The following ZNF606 variants were observed in gnomAD, a reference collection of about 807,000 sequenced individuals.
The protein encoded by ZNF606 is zinc finger protein 328.
In ZNF606, 37 loss-of-function variants were observed where a neutral mutation model predicts 74.9. The ratio of observed to expected loss-of-function variants is 0.49; its 90% CI spans 0.38 to 0.65. The LOEUF is 0.65. Ranked by LOEUF, ZNF606 falls within the 30% of genes least tolerant of loss-of-function variation. The pLI is 0.00. For synonymous variants in ZNF606, 328 were observed against 312.4 expected, an observed-to-expected ratio of 1.05 and a Z score of -0.53; for missense variants, 852 against 952.9, an observed-to-expected ratio of 0.89 and a Z score of 1.39.
intron 1 of ZNF606, chr19:58,002,167 T>A: frequency 2.2e-6 from 1 of 456,798 alleles, no homozygotes; most frequent in Non-Finnish European, 4.4e-6. Context: ...CCGCCGTCAC[T>A]GCATGTTTAA....
At position 57,993,333 on chromosome 19, in the gene ZNF606, T is replaced by G. The variant is rs544775299; in HGVS notation, c.178-4612A>C. On this transcript the variant is annotated intron_variant, in intron 4 of 6. Transcript: ENST00000551380. ...CTTTGGGGTTCAAAAATCTCCTAAA[T>G]AAACAGTTGGCTTTTTTTTTAAAGA... Among the ~76,000 whole-genome samples, 9 of 151,626 alleles carry G rather than the reference T, an allele frequency of 5.9e-5. No homozygotes were observed. In the East Asian group the frequency reaches 1.9e-3, roughly 32 times the overall value.
chr19:57,978,464 T>C lies in ZNF606; in HGVS notation c.2216A>G (p.Asn739Ser). The change falls in exon 7 of 7, where the codon AAT becomes AGT. Residue 739 changes from asparagine (N) to serine (S), a missense_variant. Around this residue, in one of 3 missense-constraint regions of ZNF606, gnomAD observed 243 missense variants for 359.2 expected, o/e 0.68. Transcript: ENST00000551380. The surrounding 1 kb of genome is among the most constrained non-coding windows in gnomAD (Gnocchi z 4.4). ...CTTACAAAATGCTTTTTCACAATGA[T>C]TACATTTGTAGGGCTTTTCTCCAGT... ...NHTGEKPYKC[N>S]HCEKAFCKNS... 6.2e-7 allele frequency: 1 copy of C among 1,614,002 alleles called. No individual in the cohort carries two copies.
At position 57,978,979 on chromosome 19, in the gene ZNF606, T is replaced by C. The variant is rs200197635; in HGVS notation, c.1701A>G (p.Pro567=). 60 of 1,612,884 alleles carry C rather than the reference T, an allele frequency of 3.7e-5. No individual in the cohort carries two copies. The highest frequency in any genetic ancestry group is 5.0e-5 in the Admixed American group (3 of 59,892). Residue 567 remains proline (P), a synonymous_variant, in exon 7 of 7, where the codon CCA becomes CCG. Transcript: ENST00000551380. This position sits in a 1 kb window ranked among gnomAD's most constrained non-coding sequence, Gnocchi z 4.4. ...ATTTTCCACATTCAGTACATTTATATGGTTTTGCTCCAGAATGAGTTCTTT... is the reference window on the plus strand; with the variant it reads ...ATTTTCCACATTCAGTACATTTATACGGTTTTGCTCCAGAATGAGTTCTTT... ...KHERTHSGAK[P]YKCTECGKSF...
At chr19:57,993,250 T>C (rs1367297887) in intron 4 of ZNF606, among the ~76,000 whole-genome samples, 2 of 152,206 alleles carry the variant, frequency 1.3e-5, no homozygotes, top group Non-Finnish European at 2.9e-5. Context: ...GGTAGTCTAT[T>C]ACAATAGCAA....
chr19:58,002,915 C>T (rs1462115780), upstream of ZNF606: 1 of 445,348 alleles, frequency 2.2e-6, no homozygotes. Context: ...CTGGGCCGCG[C>T]CGCCTCGCCC....
chr19:57,998,744 T>A (rs1010576668), intron 4 of ZNF606: 2 of 152,172 alleles, frequency 1.3e-5, no homozygotes, highest in African/African-American at 4.8e-5. Context: ...ATTATAAAAA[T>A]TTTTTTAAGT....
chr19:57,992,134 G>A (rs2073270670), intron 4 of ZNF606, among the ~76,000 whole-genome samples: 2 of 152,116 alleles, frequency 1.3e-5, no homozygotes, highest in South Asian at 2.1e-4. Context: ...ATAAACACAA[G>A]AGGAATGAAA....
At chr19:58,002,946 C>T (rs201319013), upstream of ZNF606, 18 of 455,702 alleles carry the variant, frequency 3.9e-5, no homozygotes, top group Non-Finnish European at 4.4e-6. Flanking sequence ...GGGTTGGGAC[C>T]TTTCTGGCAC....
intron 4 of ZNF606, among the ~76,000 whole-genome samples, chr19:57,989,427 C>T (rs541035699): frequency 2.0e-5 from 3 of 151,948 alleles, no homozygotes; most frequent in East Asian, 3.9e-4. Flanking sequence ...GAATACATCC[C>T]TCAAGTCCTT....
At position 57,979,261 on chromosome 19, in the gene ZNF606, T is replaced by C. The variant is rs575507780; in HGVS notation, c.1419A>G (p.Val473=). The C allele has an allele frequency of 1.2e-6, 2 of 1,614,058 alleles. No individual in the cohort carries two copies. The highest frequency in any genetic ancestry group is 2.2e-5 in the South Asian group (2 of 91,062). ...TTTCTCCTGTATGAATTCTCTTATGTACAATAAGATGAGAATTCCAGCTGA... is the reference window on the plus strand; with the variant it reads ...TTTCTCCTGTATGAATTCTCTTATGCACAATAAGATGAGAATTCCAGCTGA... The part of the protein sequence containing the change: ...KAFSWNSHLI[V]HKRIHTGEKP... Residue 473 remains valine, a synonymous_variant, in exon 7 of 7, where the codon GTA becomes GTG. Coordinates refer to ENST00000551380, the MANE Select transcript of ZNF606 (RefSeq NM_001348022.3).
At chr19:58,000,620 G>A (rs1271294175) in intron 3 of ZNF606, 63 bp downstream of exon 3, 1 of 1,560,446 alleles carries the variant, frequency 6.4e-7, no homozygotes, top group African/African-American at 1.4e-5. Context: ...CCCAGCTGTG[G>A]CAGAGCACTA....
intron 6 of ZNF606, among the ~76,000 whole-genome samples, chr19:57,980,653 G>C (rs1338532080): frequency 2.0e-5 from 3 of 152,052 alleles, no homozygotes; most frequent in East Asian, 1.9e-4. Flanking sequence ...GGCTAACACA[G>C]TGAAACCCTG....
rs117374829 is a variant in ZNF606 at position 57,979,671 on chromosome 19, T to G, written c.1009A>C (p.Arg337=). 0.011 allele frequency: 18,045 copies of G among 1,613,788 alleles called. 128 individuals carry two copies. The highest frequency in any genetic ancestry group is 0.014 in the Non-Finnish European group (16,227 of 1,179,986). ...TACTGGTTTTCTCCAACATGAAGCC[T>G]TGGGTGTTCATTAAATGATGGGCTC... ...NQSPSFNEHP[R]LHVGENQYNY... is the part of the protein sequence containing the mutation. The change falls in exon 7 of 7, where the codon AGG becomes CGG. Residue 337 remains arginine, a synonymous_variant. Coordinates refer to ENST00000551380, the MANE Select transcript of ZNF606 (RefSeq NM_001348022.3).
At chr19:57,983,420 T>C (rs2073118841) in intron 6 of ZNF606, among the ~76,000 whole-genome samples, 1 of 151,394 alleles carries the variant, frequency 6.6e-6, no homozygotes, top group Non-Finnish European at 1.5e-5. Flanking sequence ...ACTAAAAAAA[T>C]ACAAAAAATT....
At chr19:57,986,389 C>T (rs2073164055) in intron 6 of ZNF606, among the ~76,000 whole-genome samples, 1 of 152,014 alleles carries the variant, frequency 6.6e-6, no homozygotes, top group Admixed American at 6.6e-5. Flanking sequence ...AAGGTTGAGA[C>T]TCCAGTAAGC....
chr19:57,977,229 G>T lies in ZNF606; in HGVS notation c.*1072C>A, dbSNP rs1307370309. 1.3e-5 allele frequency: 2 copies of T among 152,160 alleles called. No homozygotes were observed. Among genetic ancestry groups the T allele is most frequent in the Non-Finnish European group, 2.9e-5 (2 of 68,040 alleles). The allele number at this position is 152,160 out of a possible 1,614,324, so 9.4% of individuals were successfully genotyped here. ...TCTCAGCTCTACTCCCTTACTAGTT[G>T]TGCCCCTTAGGTAGGATCCTTCAAC... On this transcript the variant is annotated 3_prime_UTR_variant, in exon 7 of 7. Coordinates refer to ENST00000551380, the MANE Select transcript of ZNF606 (RefSeq NM_001348022.3).
intron 4 of ZNF606, among the ~76,000 whole-genome samples, chr19:57,995,572 A>T (rs1401928854): frequency 1.3e-5 from 2 of 152,214 alleles, no homozygotes; most frequent in Non-Finnish European, 2.9e-5. Context: ...TCACACCTAT[A>T]ATCCCAGCAC....
intron 6 of ZNF606, among the ~76,000 whole-genome samples, chr19:57,982,691 T>A (rs1011042903): frequency 1.3e-5 from 2 of 152,174 alleles, no homozygotes; most frequent in Non-Finnish European, 2.9e-5. Context: ...AGGAGTGCAG[T>A]GGTACCGTCA....
rs779142019 is a variant in ZNF606, at chr19:58,002,478, G to C, written c.-134C>G. On this transcript the variant is annotated 5_prime_UTR_variant, in exon 1 of 7. Coordinates refer to ENST00000551380, the MANE Select transcript of ZNF606 (RefSeq NM_001348022.3). ...GCCTGGGGCGTTTGGCTTTTGTCCC[G>C]CGCCGAGGTCCGGCCCAGGAGTGCG... is the stretch of plus-strand genomic sequence containing the variant. 2.2e-6 allele frequency: 1 copy of C among 454,302 alleles called. No individual in the cohort carries two copies. Among genetic ancestry groups the C allele is most frequent in the South Asian group, 1.6e-5 (1 of 64,340 alleles). 28.1% of individuals were successfully genotyped at this position (454,302 alleles called of 1,614,324 possible). A position where few individuals can be genotyped will look rare whatever the true frequency, so the allele number is the denominator to read the frequency against.
Sources: gnomAD v4.1 joint callset for allele counts (sites outside exome capture counted in the v4.1 genomes callset) on GRCh38, gnomAD v4.1.1 for gene constraint, gnomAD v4.1.1 regional missense constraint, Gnocchi (gnomAD v3.1) non-coding constraint, MANE v1.5 for transcripts, NCBI Gene and HGNC (gene_info 2026-07-23, HGNC 2026-07-21) for gene names.